APLF: variants seen among roughly 807,000 people sequenced by gnomAD.
APLF encodes aprataxin and PNK-like factor.
APLF carries 61 observed loss-of-function variants against 55.6 expected under a neutral mutation model. The ratio of observed to expected loss-of-function variants is 1.10; its 90% CI spans 0.89 to 1.36. The LOEUF is 1.36. APLF is among the 40% of genes most tolerant of loss of function. The pLI is 0.00. For missense variants in APLF, 611 were observed against 602.5 expected (o/e 1.01, Z -0.15); for synonymous variants, 207 against 214.8 (o/e 0.96, Z 0.32).
chr2:68,570,347 G>C (rs1275606238), intron 9 of APLF, among the ~76,000 whole-genome samples: 2 of 151,180 alleles, frequency 1.3e-5, no homozygotes, highest in African/African-American at 2.4e-5. Flanking sequence ...CAGTGTGCAG[G>C]TTTGTTACAT....
intron 6 of APLF, among the ~76,000 whole-genome samples, chr2:68,532,340 C>A (rs1315272979): frequency 6.6e-6 from 1 of 152,320 alleles, no homozygotes; most frequent in East Asian, 1.9e-4. Context: ...GTAGGAGAAT[C>A]AGTGGAGAGA....
At chr2:68,498,828 T>C (rs1573179418) in intron 2 of APLF, among the ~76,000 whole-genome samples, 2 of 152,366 alleles carry the variant, frequency 1.3e-5, no homozygotes, top group Admixed American at 1.3e-4. Flanking sequence ...AGTAGCTCTA[T>C]AAGTTGCAGT....
rs1476297375 is a variant in APLF at position 68,529,104 on chromosome 2, C to T, written c.804+2862C>T. 1.3e-5 allele frequency: 18 copies of T among 1,370,502 alleles called. No individual in the cohort carries two copies. Among genetic ancestry groups the T allele is most frequent in the East Asian group, 7.5e-5 (3 of 40,066 alleles). 84.9% of individuals were successfully genotyped at this position (1,370,502 alleles called of 1,614,324 possible). ...TTGCCTCTGAGACGAGGGATCCTCA[C>T]GGGGCTGAGGTATCCAAACATCCTG... On this transcript the variant is annotated intron_variant, in intron 6 of 9. Transcript: ENST00000303795. This position sits in a 1 kb window ranked among gnomAD's most constrained non-coding sequence, Gnocchi z 4.4.
chr2:68,523,717 A>G (rs569549736), intron 5 of APLF, among the ~76,000 whole-genome samples: 2 of 152,024 alleles, frequency 1.3e-5, no homozygotes, highest in African/African-American at 4.8e-5. Context: ...GCTGTTTTGT[A>G]TTAATAGTTA....
At chr2:68,568,308 A>G in intron 9 of APLF, 5 of 985,370 alleles carry the variant, frequency 5.1e-6, no homozygotes, top group Non-Finnish European at 6.0e-6. Context: ...GGCTGCACTC[A>G]CTTGCATTTA....
At position 68,531,523 on chromosome 2, in the gene APLF, G is replaced by T. The variant is rs978401174; in HGVS notation, c.804+5281G>T. 3 of 152,242 alleles carry T rather than the reference G, an allele frequency of 2.0e-5. No individual in the cohort carries two copies. The South Asian group carries it at 6.2e-4, about 32-fold the overall frequency. The allele number at this position is 152,242 out of a possible 1,614,324, so 9.4% of individuals were successfully genotyped here. On this transcript the variant is annotated intron_variant, in intron 6 of 9. Transcript: ENST00000303795. Reference sequence around the variant, plus strand: ...GAGCCTGTCTTCCAGCTACAGAAGTGGGGCCTGGTCGCTATACACTCAGTT... The same window carrying T: ...GAGCCTGTCTTCCAGCTACAGAAGTTGGGCCTGGTCGCTATACACTCAGTT...
chr2:68,578,427 A>G lies in APLF; in HGVS notation c.*405A>G, dbSNP rs1382043577. 7.1e-6 allele frequency: 7 copies of G among 990,706 alleles called. No individual in the cohort carries two copies. The East Asian group carries it at 6.7e-4, about 94-fold the overall frequency. 61.4% of individuals were successfully genotyped at this position (990,706 alleles called of 1,614,324 possible). On this transcript the variant is annotated 3_prime_UTR_variant, in exon 10 of 10. Coordinates refer to ENST00000303795, the MANE Select transcript of APLF (RefSeq NM_173545.3). The stretch of plus-strand genomic sequence containing the variant: ...AGTACATGAAAACATGCCTCTTTTC[A>G]TTGTTACTGAAGTAATTCTGTAAGC...
chr2:68,483,418 C>T (rs372546296), intron 1 of APLF, among the ~76,000 whole-genome samples: 2 of 152,156 alleles, frequency 1.3e-5, no homozygotes, highest in African/African-American at 4.8e-5. Flanking sequence ...CCTTGCACCT[C>T]TTTTCATCCT....
chr2:68,499,731 CAG>C (rs985941820), intron 2 of APLF, among the ~76,000 whole-genome samples: 63 of 152,144 alleles, frequency 4.1e-4, no homozygotes, highest in South Asian at 1.9e-3. Context: ...CCCAGCTACT[CAG>C]GGGGCTGTGG....
At chr2:68,565,674 A>G (rs970448834) in intron 8 of APLF, among the ~76,000 whole-genome samples, 1 of 152,106 alleles carries the variant, frequency 6.6e-6, no homozygotes, top group African/African-American at 2.4e-5. Context: ...TTGTTTACCA[A>G]TATCACAATA....
chr2:68,493,890 C>T (rs60047641), intron 2 of APLF, among the ~76,000 whole-genome samples: 12,739 of 151,834 alleles, frequency 0.084, 1,553 homozygotes, highest in African/African-American at 0.27. Flanking sequence ...GGGTGGATCA[C>T]GAGGTCAGGA....
intron 2 of APLF, among the ~76,000 whole-genome samples, chr2:68,493,431 C>T (rs558645026): frequency 1.8e-4 from 28 of 152,042 alleles, no homozygotes; most frequent in Non-Finnish European, 3.5e-4. Flanking sequence ...AGGGAAAAAC[C>T]CTTATGACTT....
intron 5 of APLF, among the ~76,000 whole-genome samples, chr2:68,518,522 T>C (rs1396522996): frequency 1.7e-5 from 2 of 117,052 alleles, no homozygotes; most frequent in African/African-American, 6.9e-5. Context: ...TATATTATTA[T>C]ATTATATATT....
chr2:68,530,974 A>G (rs1020069957), intron 6 of APLF, among the ~76,000 whole-genome samples: 1 of 152,168 alleles, frequency 6.6e-6, no homozygotes, highest in African/African-American at 2.4e-5. Flanking sequence ...CTCTTATTCC[A>G]TTGGTTGTTC....
intron 5 of APLF, among the ~76,000 whole-genome samples, chr2:68,519,845 C>G (rs1573213291): frequency 6.6e-6 from 1 of 151,570 alleles, no homozygotes; most frequent in East Asian, 1.9e-4. Context: ...TAGTGGGTTG[C>G]TAGATCAAAT....
At chr2:68,502,926 G>A (rs768361768) in intron 3 of APLF, 23 bp downstream of exon 3, 3 of 1,581,906 alleles carry the variant, frequency 1.9e-6, no homozygotes, top group Non-Finnish European at 2.6e-6. Flanking sequence ...TGAAATGAGA[G>A]TAAGAATGTT....
intron 9 of APLF, among the ~76,000 whole-genome samples, chr2:68,575,936 A>T (rs999368717): frequency 1.3e-5 from 2 of 152,152 alleles, no homozygotes; most frequent in African/African-American, 4.8e-5. Context: ...ATAAGACTGG[A>T]TGGAATCATC....
chr2:68,526,371 C>G lies in APLF; in HGVS notation c.804+129C>G, dbSNP rs1358944541. The G allele has an allele frequency of 2.8e-6, 4 of 1,419,744 alleles. No individual in the cohort carries two copies. The African/African-American group carries it at 4.3e-5, about 15-fold the overall frequency. 87.9% of individuals were successfully genotyped at this position (1,419,744 alleles called of 1,614,324 possible). On this transcript the variant is annotated intron_variant, in intron 6 of 9. Coordinates refer to ENST00000303795, the MANE Select transcript of APLF (RefSeq NM_173545.3). ...TGAGTTTATGAAGACAAAACTAGCC[C>G]AATTTTTTCAGACTTACTGAAACTA...
rs1478409086 is a variant in APLF, at chr2:68,537,881, C to T, written c.814C>T (p.Gln272Ter). 2 of 1,560,434 alleles carry T rather than the reference C, an allele frequency of 1.3e-6. No homozygotes were observed. Among genetic ancestry groups the T allele is most frequent in the African/African-American group, 2.8e-5 (2 of 72,392 alleles). The part of the protein sequence containing the change: ...ESTISSKEMP[Q>*]SFSAITLSNT... ...CATATTTGTTTTACAGGAAATGCCA[C>T]AATCATTTTCTGCAATCACATTAAG... The change falls in exon 7 of 10, where the codon CAA becomes TAA. Residue 272 changes from glutamine (Q) to a stop codon, truncating the protein, a stop_gained. Transcript: ENST00000303795. LOFTEE classifies it high-confidence loss of function.
Sources: allele counts gnomAD v4.1 joint callset (sites outside exome capture counted in the v4.1 genomes callset), GRCh38; gene constraint gnomAD v4.1.1; non-coding constraint Gnocchi (gnomAD v3.1); transcripts MANE v1.5; gene names NCBI Gene and HGNC (gene_info 2026-07-23, HGNC 2026-07-21).